Variants in ARL15 observed in about 807,000 individuals in gnomAD.
The protein encoded by ARL15 is ADP-ribosylation factor-like protein 15.
In ARL15, 19 loss-of-function variants were observed where a neutral mutation model predicts 25.2. That is an observed-to-expected ratio of 0.75 (90% CI 0.53 to 1.10). The LOEUF (loss-of-function observed/expected upper bound fraction) is 1.10, where lower values mean the gene tolerates loss of function less well. ARL15 is among the 50% of genes least tolerant of loss of function. ARL15 has a pLI of 0.00. For synonymous variants in ARL15, 94 were observed against 86.8 expected (o/e 1.08, Z -0.46); for missense variants, 220 against 246.0 (o/e 0.89, Z 0.71).
chr5:54,059,006 C>G (rs963994065), intron 4 of ARL15, among the ~76,000 whole-genome samples: 12 of 152,118 alleles, frequency 7.9e-5, no homozygotes, highest in African/African-American at 2.7e-4. Flanking sequence ...CAACCTTGTT[C>G]CATTTGTCAC....
Position 53,888,981 on chromosome 5 carries a change from C to A in ARL15, c.463-2268G>T, listed in dbSNP as rs1183551876. On this transcript the variant is annotated intron_variant, in intron 4 of 4. Coordinates refer to ENST00000504924, the MANE Select transcript of ARL15 (RefSeq NM_019087.3). ...ATCTAGTATTTGATCAATAATGCTT[C>A]CCATCAGATGAAGTATGCAACATCC... is the stretch of plus-strand genomic sequence containing the variant. 2.6e-5 allele frequency among the ~76,000 whole-genome samples: 4 copies of A among 152,196 alleles called. No homozygotes were observed. In the East Asian group the frequency reaches 7.7e-4, roughly 29 times the overall value.
intron 4 of ARL15, among the ~76,000 whole-genome samples, chr5:54,031,344 G>C (rs893779576): frequency 2.6e-5 from 4 of 152,070 alleles, no homozygotes; most frequent in Non-Finnish European, 5.9e-5. Flanking sequence ...TGTCATCTTG[G>C]CCACTCAGTC....
chr5:54,303,675 G>A (rs1758672558), intron 1 of ARL15, among the ~76,000 whole-genome samples: 2 of 121,132 alleles, frequency 1.7e-5, no homozygotes, highest in African/African-American at 3.1e-5. Context: ...AAAAAAAGAA[G>A]AAGAAGAGGA....
intron 4 of ARL15, among the ~76,000 whole-genome samples, chr5:53,995,808 T>G (rs1322111503): frequency 1.3e-5 from 2 of 151,188 alleles, no homozygotes; most frequent in African/African-American, 4.9e-5. Flanking sequence ...ATAATCAGAA[T>G]ATTCCCATAC....
chr5:54,255,981 A>C (rs1757351346), intron 1 of ARL15, among the ~76,000 whole-genome samples: 1 of 152,074 alleles, frequency 6.6e-6, no homozygotes, highest in Admixed American at 6.6e-5. Context: ...AGTTCACAAA[A>C]TGACAACCTA....
intron 4 of ARL15, among the ~76,000 whole-genome samples, chr5:53,999,189 C>G (rs1006607586): frequency 1.3e-5 from 2 of 152,098 alleles, no homozygotes; most frequent in Non-Finnish European, 2.9e-5. Flanking sequence ...GAAAAGAAAA[C>G]TGAGTGAAGA....
chr5:54,281,243 G>A (rs1025418780), intron 1 of ARL15, among the ~76,000 whole-genome samples: 16 of 151,980 alleles, frequency 1.1e-4, no homozygotes, highest in African/African-American at 2.9e-4. Context: ...GGGTTCAAGC[G>A]ATTCTCCTGC....
chr5:54,197,956 T>C (rs1052201733), intron 1 of ARL15, among the ~76,000 whole-genome samples: 6 of 151,948 alleles, frequency 3.9e-5, no homozygotes, highest in Non-Finnish European at 8.8e-5. Flanking sequence ...CATGATCAAG[T>C]GGGCTTCATC....
chr5:54,032,570 G>A (rs113616552), intron 4 of ARL15, among the ~76,000 whole-genome samples: 1 of 150,254 alleles, frequency 6.7e-6, no homozygotes, highest in South Asian at 2.1e-4. Flanking sequence ...CATCTATGTT[G>A]AGAACATATT....
At chr5:54,128,864 C>A (rs1753347729) in intron 3 of ARL15, among the ~76,000 whole-genome samples, 2 of 151,934 alleles carry the variant, frequency 1.3e-5, no homozygotes, top group Admixed American at 1.3e-4. Flanking sequence ...TGCCACCACG[C>A]CCGGCTAATT....
At chr5:54,045,811 C>A (rs1164153111) in intron 4 of ARL15, among the ~76,000 whole-genome samples, 1 of 152,196 alleles carries the variant, frequency 6.6e-6, no homozygotes, top group Non-Finnish European at 1.5e-5. Context: ...TTTCTCTGTA[C>A]AATTCCTCAG....
intron 4 of ARL15, among the ~76,000 whole-genome samples, chr5:53,970,467 AGAGTGAGAAT>A (rs1162427754): frequency 6.6e-6 from 1 of 151,962 alleles, no homozygotes; most frequent in Non-Finnish European, 1.5e-5. Context: ...ACTATAGCAG[AGAGTGAGAAT>A]GAGTGAGAAA....
intron 4 of ARL15, among the ~76,000 whole-genome samples, chr5:53,978,144 C>A (rs375458399): frequency 6.4e-4 from 98 of 152,250 alleles, no homozygotes; most frequent in Middle Eastern, 3.4e-3. Context: ...AGAATCGAAT[C>A]CTACAAGTGG....
intron 3 of ARL15, among the ~76,000 whole-genome samples, chr5:54,138,555 T>C (rs548420903): frequency 2.0e-5 from 3 of 151,964 alleles, no homozygotes; most frequent in Non-Finnish European, 4.4e-5. Flanking sequence ...AAGACCAGAA[T>C]CTGTAAGAAT....
At chr5:54,241,819 G>T (rs1460383619) in intron 1 of ARL15, among the ~76,000 whole-genome samples, 3 of 152,178 alleles carry the variant, frequency 2.0e-5, no homozygotes, top group Non-Finnish European at 2.9e-5. Context: ...TCAGGATGTT[G>T]CAGAAAGAAT....
At chr5:54,120,568 T>C (rs557682709) in intron 3 of ARL15, among the ~76,000 whole-genome samples, 1 of 152,274 alleles carries the variant, frequency 6.6e-6, no homozygotes, top group African/African-American at 2.4e-5. Context: ...TGGAGAAATG[T>C]TCCCTTCCGT....
rs114099845 is a variant in ARL15, at chr5:54,207,538, C to T, written c.49-35610G>A. Among the ~76,000 whole-genome samples the T allele has an allele frequency of 6.2e-3, 944 of 152,310 alleles. 6 individuals carry two copies. The highest frequency in any genetic ancestry group is 0.016 in the African/African-American group (663 of 41,574). ...CAGGTTGAATACAGTCATTTAGTTC[C>T]ACTTTCTCCTAAAACTGCACTAAAA... On this transcript the variant is annotated intron_variant, in intron 1 of 4. Coordinates refer to ENST00000504924, the MANE Select transcript of ARL15 (RefSeq NM_019087.3).
At chr5:53,913,358 C>T (rs1745528278) in intron 4 of ARL15, among the ~76,000 whole-genome samples, 2 of 152,158 alleles carry the variant, frequency 1.3e-5, no homozygotes, top group South Asian at 2.1e-4. Flanking sequence ...ATCCTATCCC[C>T]TTAACTGAGT....
At chr5:53,962,402 A>T (rs1462198953) in intron 4 of ARL15, among the ~76,000 whole-genome samples, 1 of 152,164 alleles carries the variant, frequency 6.6e-6, no homozygotes, top group African/African-American at 2.4e-5. Flanking sequence ...ATTCACTGAG[A>T]AAACAATTCA....
Sources: gnomAD v4.1 joint callset for allele counts (sites outside exome capture counted in the v4.1 genomes callset) on GRCh38, gnomAD v4.1.1 for gene constraint, MANE v1.5 for transcripts, NCBI Gene and HGNC (gene_info 2026-07-23, HGNC 2026-07-21) for gene names.